The following NDRG2 variants were observed in gnomAD, a reference collection of about 807,000 sequenced individuals.
NDRG2 encodes protein NDRG2.
Under a neutral mutation model 58.2 loss-of-function variants are expected in NDRG2, and 34 were observed. The ratio of observed to expected loss-of-function variants is 0.58; its 90% confidence interval spans 0.44 to 0.78. The LOEUF (loss-of-function observed/expected upper bound fraction) is 0.78. NDRG2 is among the 30% of genes least tolerant of loss of function. NDRG2 has a pLI of 0.00. For missense variants in NDRG2, 434 were observed against 471.2 expected, an observed-to-expected ratio of 0.92 and a Z score of 0.73; for synonymous variants, 187 against 175.9, an observed-to-expected ratio of 1.06 and a Z score of -0.50.
At position 21,016,862 on chromosome 14, in the gene NDRG2, G is replaced by A. The variant is rs908894119; in HGVS notation, c.*734C>T. 5.3e-5 allele frequency: 24 copies of A among 456,420 alleles called. No individual in the cohort carries two copies. The highest frequency in any genetic ancestry group is 4.0e-4 in the African/African-American group (20 of 50,038). The allele number at this position is 456,420 out of a possible 1,614,324, so 28.3% of individuals were successfully genotyped here. ...ATACTACAGTGTGGTCAGAGCCCCA[G>A]GGTAGCCCTTTCCACCCTATGCCAA... is the stretch of plus-strand genomic sequence containing the variant. On this transcript the variant is annotated 3_prime_UTR_variant, in exon 16 of 16. Coordinates refer to ENST00000556147, the MANE Select transcript of NDRG2 (RefSeq NM_001320329.2).
At chr14:21,051,319 G>A (rs2139136067) in intron 1 of NDRG2, among the ~76,000 whole-genome samples, 1 of 152,314 alleles carries the variant, frequency 6.6e-6, no homozygotes, top group South Asian at 2.1e-4. Flanking sequence ...TTGGAACAGT[G>A]ACTGGAACAT....
In NDRG2 at chr14:21,056,463, C is replaced by G. The variant is rs558896163; in HGVS notation, c.24+14365G>C. On this transcript the variant is annotated intron_variant, in intron 1 of 14. Transcript: ENST00000403829. Reference sequence around the variant, plus strand: ...ATCATCTAACTTTTAAAAATTCTATCCAGATATTGTTTTCAGCTGAAAACT... The same window carrying G: ...ATCATCTAACTTTTAAAAATTCTATGCAGATATTGTTTTCAGCTGAAAACT... 5.3e-5 allele frequency among the ~76,000 whole-genome samples: 8 copies of G among 152,186 alleles called. No homozygotes were observed. In the East Asian group the frequency reaches 1.5e-3, roughly 29 times the overall value.
upstream of NDRG2, among the ~76,000 whole-genome samples, chr14:21,029,673 G>A (rs1026228658): frequency 2.6e-5 from 4 of 152,118 alleles, no homozygotes; most frequent in African/African-American, 4.8e-5. Flanking sequence ...GGCATTTTGG[G>A]GGGTGATTAA....
upstream of NDRG2, chr14:21,029,096 G>T (rs985329019): frequency 4.6e-5 from 7 of 152,168 alleles, no homozygotes; most frequent in South Asian, 6.2e-4. Context: ...ATCCTGACCT[G>T]TCCACATCTG....
chr14:21,062,307 G>A (rs1886002920), intron 1 of NDRG2, among the ~76,000 whole-genome samples: 1 of 152,188 alleles, frequency 6.6e-6, no homozygotes. Context: ...TATGTTTGTT[G>A]ATTTTGCTGG....
At chr14:21,020,169 C>CT in intron 8 of NDRG2, 193 bp from the exon 9 acceptor site, 1 of 577,466 alleles carries the variant, frequency 1.7e-6, no homozygotes, top group East Asian at 3.1e-5. Context: ...TGGCGGGTGC[C>CT]TGTAATCCCA....
At chr14:21,048,021 G>A (rs1343231187) in intron 1 of NDRG2, among the ~76,000 whole-genome samples, 1 of 152,046 alleles carries the variant, frequency 6.6e-6, no homozygotes, top group Non-Finnish European at 1.5e-5. Flanking sequence ...GGCTCTGGGG[G>A]ATAACCCTTG....
chr14:21,064,843 A>C (rs1159499454), intron 1 of NDRG2, among the ~76,000 whole-genome samples: 3 of 152,164 alleles, frequency 2.0e-5, no homozygotes, highest in African/African-American at 4.8e-5. Context: ...ATAAGCCTAC[A>C]TCTGAGCCAG....
chr14:21,060,122 A>G (rs28419477), intron 1 of NDRG2, among the ~76,000 whole-genome samples: 3,020 of 152,276 alleles, frequency 0.02, 100 homozygotes, highest in African/African-American at 0.066. Context: ...ATATTTGGAA[A>G]GAGAGTTTCC....
At chr14:21,018,689 G>A (rs1018236648) in intron 12 of NDRG2, 74 bp downstream of exon 12, 26 of 1,605,556 alleles carry the variant, frequency 1.6e-5, no homozygotes, top group Non-Finnish European at 2.1e-5. Flanking sequence ...CATCCCCTTG[G>A]CAAGATACTC....
chr14:21,034,052 C>G, intron 1 of NDRG2: 1 of 1,614,150 alleles, frequency 6.2e-7, no homozygotes, highest in Non-Finnish European at 8.5e-7. Flanking sequence ...GGATGGCCTT[C>G]CAAGGGGCAT....
chr14:21,051,573 C>G (rs1043740751), intron 1 of NDRG2, among the ~76,000 whole-genome samples: 1 of 152,084 alleles, frequency 6.6e-6, no homozygotes, highest in African/African-American at 2.4e-5. Flanking sequence ...GGAGACAGTC[C>G]TCCCGCAGAG....
intron 1 of NDRG2, among the ~76,000 whole-genome samples, chr14:21,039,477 A>AACTCCT (rs1473856465): frequency 6.6e-6 from 1 of 152,094 alleles, no homozygotes; most frequent in African/African-American, 2.4e-5. Flanking sequence ...AAACTCCTGA[A>AACTCCT]CCAGTCCCTG....
At chr14:21,057,820 A>T (rs1382580056) in intron 1 of NDRG2, 8 of 1,344,940 alleles carry the variant, frequency 5.9e-6, no homozygotes, top group Non-Finnish European at 8.3e-6. Flanking sequence ...TAGAAGGACT[A>T]ACAAGACTCC....
chr14:21,044,869 T>A (rs57532215), intron 1 of NDRG2, among the ~76,000 whole-genome samples: 2 of 152,176 alleles, frequency 1.3e-5, no homozygotes, highest in African/African-American at 4.8e-5. Context: ...TGTGCTTTTT[T>A]ACTACTGACC....
upstream of NDRG2, chr14:21,025,673 G>T (rs1883489109): frequency 3.0e-6 from 3 of 984,986 alleles, no homozygotes; most frequent in Non-Finnish European, 1.2e-6. This position sits in a 1 kb window ranked among gnomAD's most constrained non-coding sequence, Gnocchi z 5.1. Context: ...CAGAGTCCTG[G>T]TACCTCTCCT....
upstream of NDRG2, chr14:21,030,481 T>C: frequency 2.3e-6 from 3 of 1,277,100 alleles, no homozygotes; most frequent in Non-Finnish European, 2.2e-6. Flanking sequence ...CTGACTGATT[T>C]TACCATAACA....
chr14:21,070,417 G>A lies in NDRG2; in HGVS notation c.24+411C>T. 1.4e-6 allele frequency: 2 copies of A among 1,413,682 alleles called. No homozygotes were observed. Among genetic ancestry groups the A allele is most frequent in the Non-Finnish European group, 1.8e-6 (2 of 1,092,828 alleles). The allele number at this position is 1,413,682 out of a possible 1,614,324, so 87.6% of individuals were successfully genotyped here. ...GAGCCATGGTGAGTCCAGCGTCGCA[G>A]CCCCCTGGGTCCCCTCGGCCTTCGC... On this transcript the variant is annotated intron_variant, in intron 1 of 14. Transcript: ENST00000403829. This position sits in a 1 kb window ranked among gnomAD's most constrained non-coding sequence, Gnocchi z 4.7.
intron 1 of NDRG2, chr14:21,032,227 A>G (rs991468536): frequency 2.4e-6 from 2 of 834,810 alleles, no homozygotes; most frequent in Non-Finnish European, 4.0e-6. Flanking sequence ...GAGGGAGAAG[A>G]GGCAGCACAG....
Sources: allele counts gnomAD v4.1 joint callset (sites outside exome capture counted in the v4.1 genomes callset), GRCh38; gene constraint gnomAD v4.1.1; non-coding constraint Gnocchi (gnomAD v3.1); transcripts MANE v1.5; gene names NCBI Gene and HGNC (gene_info 2026-07-23, HGNC 2026-07-21).